Variants in SGIP1 observed in about 807,000 individuals in gnomAD.
SGIP1 encodes SH3GL interacting endocytic adaptor 1, also known as SH3-containing GRB2-like protein 3-interacting protein 1.
Under a neutral mutation model 107.5 loss-of-function variants are expected in SGIP1, and 38 were observed. That is an observed-to-expected ratio of 0.35 (90% CI 0.27 to 0.46). The LOEUF (loss-of-function observed/expected upper bound fraction) is 0.46, where lower values mean the gene tolerates loss of function less well. SGIP1 is among the 20% of genes least tolerant of loss of function. The probability of loss-of-function intolerance (pLI) is 1.00; values close to 1 mark genes in which losing one functional copy is unlikely to be tolerated. For synonymous variants in SGIP1, 365 were observed against 366.1 expected (o/e 1.00, Z 0.03); for missense variants, 929 against 1,019.5 (o/e 0.91, Z 1.21).
chr1:66,749,606 A>T lies in SGIP1; in HGVS notation c.*6511A>T, dbSNP rs891905595. 6.6e-6 allele frequency among the ~76,000 whole-genome samples: 1 copy of T among 152,138 alleles called. No homozygotes were observed. Among genetic ancestry groups the T allele is most frequent in the Non-Finnish European group, 1.5e-5 (1 of 67,960 alleles). On this transcript the variant is annotated 3_prime_UTR_variant, in exon 25 of 25. Transcript: ENST00000371037. ...AATCACTTTACATTTCTCTAAAGAT[A>T]GTTCAGTTTTTAATCCATCCAGAGT...
At chr1:66,543,617 T>G (rs890370047) in intron 1 of SGIP1, among the ~76,000 whole-genome samples, 2 of 152,270 alleles carry the variant, frequency 1.3e-5, no homozygotes, top group African/African-American at 4.8e-5. Context: ...CCCAGGGTCA[T>G]TGTTCTACTG....
rs975497435 is a variant in SGIP1 at position 66,695,180 on chromosome 1, G to A, written c.1571-254G>A. On this transcript the variant is annotated intron_variant, in intron 17 of 24. Transcript: ENST00000371037. The stretch of plus-strand genomic sequence containing the variant: ...TCTGCTCCATGCACACAAGCACCAA[G>A]TATCAAGCGACCACCAACACATTCC... 6.0e-5 allele frequency: 40 copies of A among 666,786 alleles called. No homozygotes were observed. The African/African-American group carries it at 7.0e-4, about 12-fold the overall frequency. 41.3% of individuals were successfully genotyped at this position (666,786 alleles called of 1,614,324 possible).
At chr1:66,600,688 G>A (rs537811702) in intron 1 of SGIP1, among the ~76,000 whole-genome samples, 1 of 152,292 alleles carries the variant, frequency 6.6e-6, no homozygotes, top group South Asian at 2.1e-4. Flanking sequence ...GTCAGAGAGA[G>A]AGCAACCAGT....
intron 4 of SGIP1, 31 bp from the exon 5 acceptor site, chr1:66,639,746 C>T: frequency 6.5e-7 from 1 of 1,540,358 alleles, no homozygotes; most frequent in Non-Finnish European, 9.0e-7. Flanking sequence ...CAAATGTTTT[C>T]CTTCTAAATT....
intron 7 of SGIP1, among the ~76,000 whole-genome samples, chr1:66,654,732 T>C (rs2079410416): frequency 6.6e-6 from 1 of 152,142 alleles, no homozygotes; most frequent in South Asian, 2.1e-4. Context: ...AGAATGAAGG[T>C]GATATTTCCT....
intron 21 of SGIP1, among the ~76,000 whole-genome samples, chr1:66,735,356 C>T (rs934201255): frequency 2.6e-5 from 4 of 152,076 alleles, no homozygotes; most frequent in Non-Finnish European, 4.4e-5. Context: ...GCTGGGATTA[C>T]AGGCATGCAC....
chr1:66,539,930 C>T (rs1236640884), intron 1 of SGIP1, among the ~76,000 whole-genome samples: 4 of 152,110 alleles, frequency 2.6e-5, no homozygotes, highest in Non-Finnish European at 5.9e-5. Context: ...AATGTAAGCT[C>T]CACGAAGGCA....
At position 66,743,220 on chromosome 1, in the gene SGIP1, T is replaced by C. The variant is rs1331005731; in HGVS notation, c.*125T>C. 5 of 878,986 alleles carry C rather than the reference T, an allele frequency of 5.7e-6. No homozygotes were observed. In the Admixed American group the frequency reaches 8.3e-5, roughly 15 times the overall value. The allele number at this position is 878,986 out of a possible 1,614,324, so 54.4% of individuals were successfully genotyped here. A position where few individuals can be genotyped will look rare whatever the true frequency, so the allele number is the denominator to read the frequency against. On this transcript the variant is annotated 3_prime_UTR_variant, in exon 25 of 25. Coordinates refer to ENST00000371037, the MANE Select transcript of SGIP1 (RefSeq NM_032291.4). The stretch of plus-strand genomic sequence containing the variant: ...CACTTGGGATATATCAGGTGGAAAG[T>C]CAATGACTTTCATCTGTGATTTCCC...
At chr1:66,545,143 G>C (rs1475748807) in intron 1 of SGIP1, among the ~76,000 whole-genome samples, 1 of 152,096 alleles carries the variant, frequency 6.6e-6, no homozygotes. Flanking sequence ...AGCCACAAAA[G>C]ACATCAATTT....
At chr1:66,615,672 T>G (rs1309523357) in intron 1 of SGIP1, among the ~76,000 whole-genome samples, 1 of 152,194 alleles carries the variant, frequency 6.6e-6, no homozygotes, top group Non-Finnish European at 1.5e-5. Context: ...TGAATTACAA[T>G]TCAATTGAAT....
chr1:66,550,277 G>A (rs1320878795), intron 1 of SGIP1, among the ~76,000 whole-genome samples: 3 of 151,958 alleles, frequency 2.0e-5, no homozygotes, highest in Admixed American at 6.6e-5. Context: ...TATGTATGGC[G>A]AACTCTTGAT....
chr1:66,742,927 T>C (rs1002801005), intron 24 of SGIP1, 146 bp from the exon 25 acceptor site: 5 of 729,254 alleles, frequency 6.9e-6, no homozygotes, highest in Non-Finnish European at 1.1e-5. Flanking sequence ...TTGGAAACTT[T>C]ATGTATCTTT....
At chr1:66,631,673 CTCTCTCTT>C (rs1276613837) in intron 2 of SGIP1, among the ~76,000 whole-genome samples, 114 of 120,554 alleles carry the variant, frequency 9.5e-4, no homozygotes, top group African/African-American at 3.4e-3. Flanking sequence ...CTCTTTCTCT[CTCTCTCTT>C]TCTCTCTCTC....
intron 18 of SGIP1, among the ~76,000 whole-genome samples, chr1:66,711,006 A>G (rs1044889792): frequency 3.9e-5 from 6 of 152,194 alleles, no homozygotes; most frequent in African/African-American, 1.4e-4. Context: ...AAAGCTATTA[A>G]CATAATTTTA....
intron 18 of SGIP1, among the ~76,000 whole-genome samples, chr1:66,697,755 T>C (rs2091206771): frequency 6.6e-6 from 1 of 152,182 alleles, no homozygotes; most frequent in Admixed American, 6.5e-5. Context: ...TTTTCTGCTG[T>C]GATGATAAAA....
In SGIP1 at chr1:66,583,315, C is replaced by A. The variant is rs930924067; in HGVS notation, c.11-42532C>A. 2.0e-5 allele frequency among the ~76,000 whole-genome samples: 3 copies of A among 152,146 alleles called. No homozygotes were observed. The East Asian group carries it at 5.8e-4, about 29-fold the overall frequency. ...CAAAGTGTAGTCTATGTAATGTTTG[C>A]ACTGGAAAATTTTAAAGTGCTTATT... On this transcript the variant is annotated intron_variant, in intron 1 of 24. Transcript: ENST00000371037.
intron 1 of SGIP1, among the ~76,000 whole-genome samples, chr1:66,575,423 A>G (rs565033944): frequency 9.8e-5 from 15 of 152,308 alleles, no homozygotes; most frequent in South Asian, 2.1e-4. Context: ...TTGTAGATGC[A>G]TCCCCAAATC....
intron 18 of SGIP1, among the ~76,000 whole-genome samples, chr1:66,710,144 C>T (rs1264512061): frequency 6.6e-6 from 1 of 151,980 alleles, no homozygotes; most frequent in African/African-American, 2.4e-5. Context: ...AAAGTTTTTG[C>T]TATCATAAAA....
At chr1:66,574,904 A>G (rs1419398070) in intron 1 of SGIP1, among the ~76,000 whole-genome samples, 1 of 152,162 alleles carries the variant, frequency 6.6e-6, no homozygotes, top group Non-Finnish European at 1.5e-5. Context: ...GATATTTTGG[A>G]GCGTTAAACT....
Sources: gnomAD v4.1 joint callset for allele counts (sites outside exome capture counted in the v4.1 genomes callset) on GRCh38, gnomAD v4.1.1 for gene constraint, MANE v1.5 for transcripts, NCBI Gene and HGNC (gene_info 2026-07-23, HGNC 2026-07-21) for gene names.